CHD2: variants seen among roughly 807,000 people sequenced by gnomAD.
The protein encoded by CHD2 is chromodomain helicase DNA binding protein 2, also known as ATP-dependent chromatin remodeler CHD2.
CHD2 carries 28 observed loss-of-function variants against 243.9 expected under a neutral mutation model. The ratio of observed to expected loss-of-function variants is 0.11; its 90% CI spans 0.09 to 0.16. The LOEUF is 0.16. Ranked by LOEUF, CHD2 falls within the 10% of genes least tolerant of loss-of-function variation. The pLI, the probability that CHD2 is intolerant of heterozygous loss-of-function variation, is 1.00. For missense variants in CHD2, 1,386 were observed against 2,209.8 expected (o/e 0.63, Z 7.47); for synonymous variants, 775 against 779.0 (o/e 0.99, Z 0.09).
intron 24 of CHD2, among the ~76,000 whole-genome samples, chr15:92,981,818 G>A (rs2053984125): frequency 6.6e-6 from 1 of 152,206 alleles, no homozygotes; most frequent in African/African-American, 2.4e-5. Flanking sequence ...AAGAGTAGAT[G>A]ACAATTAGAA....
At chr15:93,000,352 G>A (rs144617799) in intron 31 of CHD2, among the ~76,000 whole-genome samples, 160 bp from the exon 32 acceptor site, 143 of 152,176 alleles carry the variant, frequency 9.4e-4, no homozygotes, top group African/African-American at 3.3e-3. Context: ...GTTTTGGTTT[G>A]GTCTTGTGAG....
At chr15:92,938,640 A>G (rs576834894) in intron 6 of CHD2, among the ~76,000 whole-genome samples, 13 of 152,220 alleles carry the variant, frequency 8.5e-5, no homozygotes, top group Non-Finnish European at 1.6e-4. Context: ...AATTTTGCTC[A>G]TTATTTATTA....
chr15:92,900,601 C>T lies in CHD2; in HGVS notation c.-295C>T, dbSNP rs1242809676. The stretch of plus-strand genomic sequence containing the variant: ...TTTTTCCAGCTTAGAAGCCATGGCG[C>T]ACCTCCATTTTTGTGCGCTCTCCTA... On this transcript the variant is annotated 5_prime_UTR_variant, in exon 1 of 39. Coordinates refer to ENST00000394196, the MANE Select transcript of CHD2 (RefSeq NM_001271.4). 1 of 398,442 alleles carries T rather than the reference C, an allele frequency of 2.5e-6. No individual in the cohort carries two copies. The highest frequency in any genetic ancestry group is 3.6e-5 in the East Asian group (1 of 28,086). The allele number at this position is 398,442 out of a possible 1,614,324, so 24.7% of individuals were successfully genotyped here. A position where few individuals can be genotyped will look rare whatever the true frequency, so the allele number is the denominator to read the frequency against.
At chr15:92,972,138 G>C in intron 18 of CHD2, 127 bp from the exon 19 acceptor site, 1 of 1,088,400 alleles carries the variant, frequency 9.2e-7, no homozygotes, top group Non-Finnish European at 1.3e-6. Flanking sequence ...GGGAATTGCT[G>C]GTCAAGCAGG....
chr15:92,999,269 G>A (rs1011795176), intron 31 of CHD2, among the ~76,000 whole-genome samples: 4 of 151,936 alleles, frequency 2.6e-5, no homozygotes, highest in Admixed American at 1.3e-4. Flanking sequence ...GAACATAGTT[G>A]CAGTTACTGC....
At chr15:92,931,863 CTTTT>C (rs34215273) in intron 5 of CHD2, among the ~76,000 whole-genome samples, 1 of 134,482 alleles carries the variant, frequency 7.4e-6, no homozygotes. Context: ...TGCTGACGTA[CTTTT>C]TTTTTTTTTT....
chr15:92,998,275 G>A lies in CHD2; in HGVS notation c.3886-224G>A. 1 of 1,288,362 alleles carries A rather than the reference G, an allele frequency of 7.8e-7. No homozygotes were observed. The highest frequency in any genetic ancestry group is 1.9e-5 in the South Asian group (1 of 53,772). The allele number at this position is 1,288,362 out of a possible 1,614,324, so 79.8% of individuals were successfully genotyped here. ...TTAACAGCACAGGTAGGAGCCATTGGGAGAGCTGGATTTCTCCATCCCATT... is the reference window on the plus strand; with the variant it reads ...TTAACAGCACAGGTAGGAGCCATTGAGAGAGCTGGATTTCTCCATCCCATT... On this transcript the variant is annotated intron_variant, in intron 30 of 38. Transcript: ENST00000394196. This position sits in a 1 kb window ranked among gnomAD's most constrained non-coding sequence, Gnocchi z 5.1.
intron 9 of CHD2, chr15:92,944,143 T>C (rs769681226): frequency 4.8e-5 from 10 of 208,368 alleles, no homozygotes; most frequent in Non-Finnish European, 8.7e-5. Flanking sequence ...AAAAGAGTTA[T>C]TTTTGGGTCT....
At chr15:92,925,446 G>A (rs1282488509) in intron 3 of CHD2, among the ~76,000 whole-genome samples, 2 of 152,316 alleles carry the variant, frequency 1.3e-5, no homozygotes, top group South Asian at 2.1e-4. Flanking sequence ...TATAATATAT[G>A]CTGTAATAAA....
At chr15:92,957,683 T>A (rs1039804991) in intron 16 of CHD2, among the ~76,000 whole-genome samples, 5 of 151,978 alleles carry the variant, frequency 3.3e-5, no homozygotes, top group Non-Finnish European at 7.4e-5. Context: ...TTAAATTTTA[T>A]TTTTTACTTT....
At position 92,904,411 on chromosome 15, in the gene CHD2, GGA is replaced by G. The variant is rs72647784; in HGVS notation, c.62+3117_62+3118del. ...GTCAGACGGCTCCCCTGGGGGGCGG[GGA>G]GAGAACGCAGTGACGTCTGGCCGCG... is the stretch of plus-strand genomic sequence containing the variant. On this transcript the variant is annotated intron_variant, in intron 2 of 38. Transcript: ENST00000394196. The G allele has an allele frequency of 7.2e-3, 7,054 of 979,310 alleles. 26 individuals carry two copies. Among genetic ancestry groups the G allele is most frequent in the Non-Finnish European group, 8.1e-3 (6,683 of 822,184 alleles). The allele number at this position is 979,310 out of a possible 1,614,324, so 60.7% of individuals were successfully genotyped here.
intron 35 of CHD2, among the ~76,000 whole-genome samples, chr15:93,011,506 A>G (rs2054393894): frequency 6.6e-6 from 1 of 152,206 alleles, no homozygotes; most frequent in Non-Finnish European, 1.5e-5. Context: ...GAAGCTCTTT[A>G]TAGGAGGCTT....
intron 37 of CHD2, among the ~76,000 whole-genome samples, chr15:93,016,778 T>TTAAAAAAAAAAA (rs1869328551): frequency 1.2e-4 from 1 of 8,114 alleles, no homozygotes; most frequent in Admixed American, 2.8e-3. Flanking sequence ...TGAGACCGTC[T>TTAAAAAAAAAAA]CAAAAAAAAA....
chr15:93,016,018 G>A (rs1308979144), intron 37 of CHD2, among the ~76,000 whole-genome samples: 2 of 152,152 alleles, frequency 1.3e-5, no homozygotes, highest in East Asian at 1.9e-4. Flanking sequence ...TATATTCAAC[G>A]AAAATGAAAT....
intron 37 of CHD2, among the ~76,000 whole-genome samples, chr15:93,016,160 A>G (rs564312313): frequency 7.5e-4 from 114 of 152,378 alleles, no homozygotes; most frequent in Admixed American, 1.2e-3. Context: ...ACACAATCGA[A>G]TAGTATTCAG....
At chr15:92,948,052 G>A (rs916311449) in intron 12 of CHD2, among the ~76,000 whole-genome samples, 9 of 152,010 alleles carry the variant, frequency 5.9e-5, no homozygotes, top group African/African-American at 9.7e-5. Flanking sequence ...CTTTTTGATC[G>A]GTTGTTTCCT....
At chr15:92,918,816 CACATAT>C (rs1221252694) in intron 2 of CHD2, among the ~76,000 whole-genome samples, 3 of 151,282 alleles carry the variant, frequency 2.0e-5, no homozygotes, top group Admixed American at 6.6e-5. Flanking sequence ...CACATATATA[CACATAT>C]ACATATATAT....
chr15:92,948,128 A>G (rs2053499527), intron 12 of CHD2, among the ~76,000 whole-genome samples: 2 of 152,170 alleles, frequency 1.3e-5, no homozygotes, highest in Non-Finnish European at 2.9e-5. Context: ...CTAGAATGCT[A>G]TCCTTTAAGC....
intron 2 of CHD2, among the ~76,000 whole-genome samples, chr15:92,918,019 A>G (rs1049532415): frequency 1.3e-5 from 2 of 152,194 alleles, no homozygotes; most frequent in African/African-American, 4.8e-5. Flanking sequence ...CAGTTCGGCC[A>G]TTTTGTAAGT....
Sources: gnomAD v4.1 joint callset for allele counts (sites outside exome capture counted in the v4.1 genomes callset) on GRCh38, gnomAD v4.1.1 for gene constraint, Gnocchi (gnomAD v3.1) non-coding constraint, MANE v1.5 for transcripts, NCBI Gene and HGNC (gene_info 2026-07-23, HGNC 2026-07-21) for gene names.